The following POLR3G variants were observed in gnomAD, a reference collection of about 807,000 sequenced individuals.
POLR3G encodes the protein RNA polymerase III subunit G, also known as DNA-directed RNA polymerase III subunit RPC7.
In POLR3G, 28 loss-of-function variants were observed where a neutral mutation model predicts 30.1. The ratio of observed to expected loss-of-function variants is 0.93; its 90% confidence interval spans 0.69 to 1.27. The LOEUF (loss-of-function observed/expected upper bound fraction) is 1.27, where lower values mean the gene tolerates loss of function less well. Among genes scored for constraint, POLR3G ranks in the 50% most tolerant of loss-of-function variants. The pLI is 0.00. For synonymous variants in POLR3G, 79 were observed against 82.5 expected, an observed-to-expected ratio of 0.96 and a Z score of 0.23; for missense variants, 254 against 264.6, an observed-to-expected ratio of 0.96 and a Z score of 0.28.
chr5:90,510,352 T>C (rs1752682357), intron 7 of POLR3G, among the ~76,000 whole-genome samples: 1 of 151,734 alleles, frequency 6.6e-6, no homozygotes, highest in African/African-American at 2.4e-5. Flanking sequence ...CACTCCAGCC[T>C]GGGTGACAAG....
intron 2 of POLR3G, 119 bp from the exon 3 acceptor site, chr5:90,487,881 A>G: frequency 1.3e-6 from 1 of 756,252 alleles, no homozygotes; most frequent in Non-Finnish European, 1.9e-6. Flanking sequence ...TGGTTGTAAA[A>G]CTTAGTGCCT....
rs199862823 is a variant in POLR3G at position 90,506,722 on chromosome 5, A to G, written c.585+48A>G. ...TAGCAAAATTAATAAGGTTTATCTA[A>G]TAAGGAATCAGATATAGAGTATGTA... On this transcript the variant is annotated intron_variant, in intron 7 of 7. Coordinates refer to ENST00000651687, the MANE Select transcript of POLR3G (RefSeq NM_006467.3). The G allele has an allele frequency of 1.0e-3, 1,589 of 1,551,446 alleles. 2 individuals carry two copies. The highest frequency in any genetic ancestry group is 1.3e-3 in the Non-Finnish European group (1,476 of 1,150,626).
At chr5:90,499,659 G>C (rs1464740218) in intron 5 of POLR3G, among the ~76,000 whole-genome samples, 1 of 151,972 alleles carries the variant, frequency 6.6e-6, no homozygotes, top group East Asian at 1.9e-4. Flanking sequence ...TATCAACTAA[G>C]AGAAGAGAAG....
rs77471902 is a variant in POLR3G at position 90,481,666 on chromosome 5, A to G, written c.-43-3859A>G. Among the ~76,000 whole-genome samples the G allele has an allele frequency of 2.0e-5, 3 of 151,018 alleles. No homozygotes were observed. The East Asian group carries it at 5.8e-4, about 29-fold the overall frequency. On this transcript the variant is annotated intron_variant, in intron 1 of 7. Coordinates refer to ENST00000651687, the MANE Select transcript of POLR3G (RefSeq NM_006467.3). ...GACCTAGTTTCTTAGACAAATAGAA[A>G]GAAAAAAAAATGGGAAAACCATTAC...
intron 1 of POLR3G, among the ~76,000 whole-genome samples, chr5:90,483,745 AAAAT>A: frequency 1.3e-5 from 2 of 152,294 alleles, no homozygotes; most frequent in East Asian, 3.9e-4. Context: ...TGCAGTGAAA[AAAAT>A]AAATAAATAA....
chr5:90,474,692 G>A (rs986455582), upstream of POLR3G: 12 of 238,942 alleles, frequency 5.0e-5, no homozygotes, highest in Middle Eastern at 1.5e-3. Flanking sequence ...GGTGGGAAGA[G>A]CTAGAACCGC....
chr5:90,514,114 CTT>C lies in POLR3G; in HGVS notation c.*1977_*1978del, dbSNP rs909993629. ...TCTGGGAGGTACCGTTAAGAGCCTTCTTTCCCCCTTTGAAAGATCCTTTTACA... is the reference window on the plus strand; with the variant it reads ...TCTGGGAGGTACCGTTAAGAGCCTTCTCCCCCTTTGAAAGATCCTTTTACA... On this transcript the variant is annotated 3_prime_UTR_variant, in exon 8 of 8. Transcript: ENST00000651687. The C allele has an allele frequency of 2.6e-5, 4 of 152,210 alleles. No homozygotes were observed. The highest frequency in any genetic ancestry group is 9.6e-5 in the African/African-American group (4 of 41,454). The allele number at this position is 152,210 out of a possible 1,614,324, so 9.4% of individuals were successfully genotyped here.
At chr5:90,507,453 CAG>C (rs1243654709) in intron 7 of POLR3G, among the ~76,000 whole-genome samples, 1 of 152,184 alleles carries the variant, frequency 6.6e-6, no homozygotes, top group Non-Finnish European at 1.5e-5. Flanking sequence ...TTAGTATAAA[CAG>C]AGAAGTGTGG....
chr5:90,493,460 C>T (rs1751831346), intron 3 of POLR3G, among the ~76,000 whole-genome samples: 1 of 151,916 alleles, frequency 6.6e-6, no homozygotes, highest in Non-Finnish European at 1.5e-5. Flanking sequence ...GTTGCTCAGG[C>T]TGGTCTCGAA....
intron 2 of POLR3G, among the ~76,000 whole-genome samples, chr5:90,486,930 T>TA (rs1311629092): frequency 1.3e-5 from 2 of 152,238 alleles, no homozygotes; most frequent in Non-Finnish European, 2.9e-5. Flanking sequence ...AGCATGAATG[T>TA]ATACATTCCT....
intron 6 of POLR3G, chr5:90,502,208 AC>A: frequency 1.0e-6 from 1 of 984,918 alleles, no homozygotes; most frequent in Non-Finnish European, 1.2e-6. Context: ...CTGGCCACTT[AC>A]CTCACCTTCT....
Position 90,513,132 on chromosome 5 carries a change from A to T in POLR3G, c.*993A>T, listed in dbSNP as rs780103281. On this transcript the variant is annotated 3_prime_UTR_variant, in exon 8 of 8. Transcript: ENST00000651687. ...AACTTTATATATTTTTTGGGAAAAA[A>T]TACCTAAAAACCTCAGCCTACAAAG... is the stretch of plus-strand genomic sequence containing the variant. The T allele has an allele frequency of 4.6e-5, 7 of 152,438 alleles. No individual in the cohort carries two copies. Among genetic ancestry groups the T allele is most frequent in the Non-Finnish European group, 1.0e-4 (7 of 67,976 alleles). 9.4% of individuals were successfully genotyped at this position (152,438 alleles called of 1,614,324 possible).
chr5:90,492,407 T>C (rs1751768392), intron 3 of POLR3G, among the ~76,000 whole-genome samples: 1 of 152,238 alleles, frequency 6.6e-6, no homozygotes, highest in Admixed American at 6.5e-5. Context: ...TGATGTGTTT[T>C]GTAACTGACA....
chr5:90,496,601 T>C (rs1752010237), intron 4 of POLR3G, among the ~76,000 whole-genome samples: 2 of 152,358 alleles, frequency 1.3e-5, no homozygotes, highest in East Asian at 3.9e-4. Flanking sequence ...TCATTCATTT[T>C]GCAAATAAAA....
chr5:90,474,221 G>T (rs1257860242), upstream of POLR3G: 1 of 1,613,028 alleles, frequency 6.2e-7, no homozygotes, highest in Non-Finnish European at 8.5e-7. Context: ...TGCCCGACTC[G>T]TAGAAACGTT....
chr5:90,499,926 T>C (rs966216027), intron 5 of POLR3G, among the ~76,000 whole-genome samples: 1 of 152,198 alleles, frequency 6.6e-6, no homozygotes, highest in Non-Finnish European at 1.5e-5. Context: ...ATTTTCATAA[T>C]AAAATACATG....
intron 1 of POLR3G, among the ~76,000 whole-genome samples, chr5:90,483,387 G>T (rs1051444470): frequency 2.0e-5 from 3 of 152,112 alleles, no homozygotes; most frequent in Admixed American, 2.0e-4. Flanking sequence ...ATCAAATGCC[G>T]TGCATTCTAC....
chr5:90,474,758 C>A (rs949741211), upstream of POLR3G: 2 of 187,110 alleles, frequency 1.1e-5, no homozygotes, highest in South Asian at 9.6e-5. Context: ...AGTGTGGGGC[C>A]TCGCGGGTTG....
intron 2 of POLR3G, among the ~76,000 whole-genome samples, chr5:90,487,792 C>T (rs1282976266): frequency 6.6e-6 from 1 of 152,078 alleles, no homozygotes; most frequent in African/African-American, 2.4e-5. Flanking sequence ...AATTACGCAT[C>T]TTTCTTACCT....
Sources: gnomAD v4.1 joint callset for allele counts (sites outside exome capture counted in the v4.1 genomes callset) on GRCh38, gnomAD v4.1.1 for gene constraint, MANE v1.5 for transcripts, NCBI Gene and HGNC (gene_info 2026-07-23, HGNC 2026-07-21) for gene names.